MMD2: variants seen among roughly 807,000 people sequenced by gnomAD.
The protein encoded by MMD2 is monocyte to macrophage differentiation factor 2.
MMD2 carries 30 observed loss-of-function variants against 33.5 expected under a neutral mutation model. The ratio of observed to expected loss-of-function variants is 0.90; its 90% confidence interval spans 0.67 to 1.22. MMD2 has a LOEUF of 1.22. Among genes scored for constraint, MMD2 ranks in the 50% most tolerant of loss-of-function variants. MMD2 has a pLI of 0.00. For synonymous variants in MMD2, 129 were observed against 123.0 expected, an observed-to-expected ratio of 1.05 and a Z score of -0.32; for missense variants, 364 against 325.4, an observed-to-expected ratio of 1.12 and a Z score of -0.91.
the MMD2 span, among the ~76,000 whole-genome samples, chr7:4,900,689 A>G: frequency 2.5e-3 from 381 of 152,166 alleles, no homozygotes; most frequent in African/African-American, 9.0e-3. Flanking sequence ...TAAAGTGCTC[A>G]TGGCTCTCCC....
chr7:4,936,332 T>A (rs1189801523), intron 1 of MMD2, among the ~76,000 whole-genome samples: 2 of 151,910 alleles, frequency 1.3e-5, no homozygotes, highest in African/African-American at 2.4e-5. Context: ...CACCCCAACA[T>A]TTTAGAAACA....
At chr7:4,896,121 T>C in the MMD2 span, among the ~76,000 whole-genome samples, 3 of 152,188 alleles carry the variant, frequency 2.0e-5, no homozygotes, top group South Asian at 6.2e-4. Flanking sequence ...TCACCATACC[T>C]GAATAATGGT....
intron 1 of MMD2, among the ~76,000 whole-genome samples, chr7:4,932,135 G>A (rs956143746): frequency 7.2e-5 from 11 of 152,292 alleles, no homozygotes; most frequent in East Asian, 3.9e-4. Flanking sequence ...GTGATGTCAC[G>A]GTTGCCGTGG....
At chr7:4,938,002 C>CTTTTTTTTTTTTTTTTT (rs1165504272) in intron 1 of MMD2, among the ~76,000 whole-genome samples, 76 of 45,656 alleles carry the variant, frequency 1.7e-3, no homozygotes, top group Non-Finnish European at 2.2e-3. Flanking sequence ...TTCTTTCTTT[C>CTTTTTTTTTTTTTTTTT]TTTTTTTTTT....
At chr7:4,941,339 G>C (rs1047072107) in intron 1 of MMD2, among the ~76,000 whole-genome samples, 4 of 152,158 alleles carry the variant, frequency 2.6e-5, no homozygotes, top group African/African-American at 9.6e-5. Flanking sequence ...GCAGAAAAAG[G>C]ACACTTCTGA....
chr7:4,938,979 G>A (rs1364002048), intron 1 of MMD2, among the ~76,000 whole-genome samples: 1 of 151,750 alleles, frequency 6.6e-6, no homozygotes. Context: ...AGGTTGGGGC[G>A]GGTGGATTAC....
intron 1 of MMD2, 32 bp downstream of exon 1, chr7:4,958,939 C>A: frequency 7.7e-7 from 1 of 1,291,380 alleles, no homozygotes; most frequent in Non-Finnish European, 9.9e-7. Flanking sequence ...CCCCTCCCTC[C>A]CTCCCCGCGG....
At chr7:4,911,668 A>C (rs1785012989) in intron 4 of MMD2, among the ~76,000 whole-genome samples, 1 of 150,238 alleles carries the variant, frequency 6.7e-6, no homozygotes, top group Non-Finnish European at 1.5e-5. Context: ...TATTTTATTG[A>C]GATGCAGTCT....
intron 1 of MMD2, among the ~76,000 whole-genome samples, chr7:4,939,816 C>G (rs1310490319): frequency 6.6e-6 from 1 of 151,420 alleles, no homozygotes; most frequent in Non-Finnish European, 1.5e-5. Flanking sequence ...TCTCGGCTCA[C>G]TGCAACCTCT....
chr7:4,925,916 C>T (rs960912250), intron 1 of MMD2, among the ~76,000 whole-genome samples: 2 of 152,144 alleles, frequency 1.3e-5, no homozygotes, highest in Admixed American at 6.6e-5. Context: ...CAAGTTCAAG[C>T]AATTCTCTTG....
At chr7:4,911,463 A>G (rs182187082) in intron 4 of MMD2, among the ~76,000 whole-genome samples, 1 of 152,280 alleles carries the variant, frequency 6.6e-6, no homozygotes, top group African/African-American at 2.4e-5. Flanking sequence ...AAATTAGCAA[A>G]ATTGATAATA....
intron 1 of MMD2, among the ~76,000 whole-genome samples, chr7:4,944,760 C>CTTTTTTTTTTTTTTTTTT (rs142716643): frequency 4.0e-5 from 3 of 75,274 alleles, no homozygotes; most frequent in Non-Finnish European, 7.0e-5. Flanking sequence ...TCTTCTTCTT[C>CTTTTTTTTTTTTTTTTTT]TTTTTTTTTT....
the MMD2 span, among the ~76,000 whole-genome samples, chr7:4,893,260 G>A: frequency 6.6e-6 from 1 of 152,030 alleles, no homozygotes; most frequent in East Asian, 1.9e-4. Flanking sequence ...AGAGCCCACA[G>A]AGTAAAGTGA....
chr7:4,915,114 T>C lies in MMD2; in HGVS notation c.365+891A>G, dbSNP rs116083838. ...ATACTGAGACCCATCTCTACAAAAA[T>C]AAAAATATTAGCCAAGCATGGTGGC... On this transcript the variant is annotated intron_variant, in intron 4 of 6. Coordinates refer to ENST00000401401, the MANE Select transcript of MMD2 (RefSeq NM_198403.4). Among the ~76,000 whole-genome samples the C allele has an allele frequency of 2.3e-3, 340 of 151,056 alleles. 1 individual carries two copies. Among genetic ancestry groups the C allele is most frequent in the African/African-American group, 7.6e-3 (311 of 41,090 alleles).
At chr7:4,931,679 C>T (rs1193848760) in intron 1 of MMD2, among the ~76,000 whole-genome samples, 1 of 152,170 alleles carries the variant, frequency 6.6e-6, no homozygotes, top group African/African-American at 2.4e-5. Context: ...ATCCTCCTGC[C>T]TCAGCCTCCT....
At chr7:4,903,178 C>A (rs1182034599), downstream of MMD2, among the ~76,000 whole-genome samples, 2 of 152,128 alleles carry the variant, frequency 1.3e-5, no homozygotes, top group African/African-American at 4.8e-5. Context: ...GCAGAGGTTG[C>A]AGTGAGCCGA....
At chr7:4,954,836 T>A (rs1273735732) in intron 1 of MMD2, among the ~76,000 whole-genome samples, 2 of 152,180 alleles carry the variant, frequency 1.3e-5, no homozygotes, top group Admixed American at 1.3e-4. Flanking sequence ...ATTCTCAAAG[T>A]TTTCAACTTT....
chr7:4,958,651 C>T (rs1272109352), intron 1 of MMD2, among the ~76,000 whole-genome samples: 1 of 152,232 alleles, frequency 6.6e-6, no homozygotes, highest in African/African-American at 2.4e-5. Flanking sequence ...TCTGCAAGGA[C>T]CAGCTCGCTT....
chr7:4,948,242 T>C (rs2115155545), intron 1 of MMD2, among the ~76,000 whole-genome samples: 1 of 152,278 alleles, frequency 6.6e-6, no homozygotes, highest in South Asian at 2.1e-4. Flanking sequence ...ATCCACATGT[T>C]GAGGCCGGGT....
Sources: gnomAD v4.1 joint callset for allele counts (sites outside exome capture counted in the v4.1 genomes callset) on GRCh38, gnomAD v4.1.1 for gene constraint, MANE v1.5 for transcripts, NCBI Gene and HGNC (gene_info 2026-07-23, HGNC 2026-07-21) for gene names.